Variants in SCMH1 observed in about 807,000 individuals in gnomAD.
The protein encoded by SCMH1 is Scm polycomb group protein homolog 1.
Under a neutral mutation model 70.8 loss-of-function variants are expected in SCMH1, and 37 were observed. The ratio of observed to expected loss-of-function variants is 0.52; its 90% CI spans 0.40 to 0.69. The LOEUF is 0.69. Ranked by LOEUF, SCMH1 falls within the 30% of genes least tolerant of loss-of-function variation. The pLI, the probability that SCMH1 is intolerant of heterozygous loss-of-function variation, is 0.00. For synonymous variants in SCMH1, 292 were observed against 307.4 expected, an observed-to-expected ratio of 0.95 and a Z score of 0.52; for missense variants, 607 against 827.3, an observed-to-expected ratio of 0.73 and a Z score of 3.27.
At chr1:41,102,620 A>G (rs1438227871) in intron 8 of SCMH1, among the ~76,000 whole-genome samples, 1 of 152,170 alleles carries the variant, frequency 6.6e-6, no homozygotes, top group Non-Finnish European at 1.5e-5. Context: ...AGAGTGGGGG[A>G]AAACAGATAA....
Position 41,113,078 on chromosome 1 carries a change from G to A in SCMH1, c.745+205C>T, listed in dbSNP as rs1039567948. Among the ~76,000 whole-genome samples, 1 of 152,170 alleles carries A rather than the reference G, an allele frequency of 6.6e-6. No homozygotes were observed. The highest frequency in any genetic ancestry group is 1.5e-5 in the Non-Finnish European group (1 of 68,022). On this transcript the variant is annotated intron_variant, in intron 8 of 14. Coordinates refer to ENST00000337495, the Ensembl canonical transcript of SCMH1. The surrounding 1 kb of genome is among the most constrained non-coding windows in gnomAD (Gnocchi z 4.3). Reference sequence around the variant, plus strand: ...AAAGAATTATTACTTTATCCCAAATGCCATATGCGGTTTCATTTGACACTT... The same window carrying A: ...AAAGAATTATTACTTTATCCCAAATACCATATGCGGTTTCATTTGACACTT...
intron 2 of SCMH1, among the ~76,000 whole-genome samples, chr1:41,167,256 C>T (rs1646469595): frequency 1.3e-5 from 2 of 152,046 alleles, no homozygotes; most frequent in Admixed American, 1.3e-4. Flanking sequence ...TTTTTGCATC[C>T]ATGTTCATCA....
intron 10 of SCMH1, among the ~76,000 whole-genome samples, chr1:41,060,681 G>A (rs978455347): frequency 7.9e-5 from 12 of 152,040 alleles, no homozygotes; most frequent in African/African-American, 2.7e-4. Context: ...GTCTCACTCT[G>A]TCACCTAGGT....
chr1:41,199,843 C>T (rs959178284), intron 1 of SCMH1, among the ~76,000 whole-genome samples: 2 of 152,116 alleles, frequency 1.3e-5, no homozygotes, highest in African/African-American at 4.8e-5. Flanking sequence ...ACCCTTGTAA[C>T]AAACCTGCAC....
At chr1:41,119,508 T>C (rs867621205) in intron 6 of SCMH1, among the ~76,000 whole-genome samples, 2 of 151,914 alleles carry the variant, frequency 1.3e-5, no homozygotes, top group Middle Eastern at 3.4e-3. Flanking sequence ...CAACCACATA[T>C]GTGGTCCTTA....
intron 1 of SCMH1, among the ~76,000 whole-genome samples, chr1:41,202,800 C>T (rs1393067121): frequency 1.3e-5 from 2 of 152,084 alleles, no homozygotes; most frequent in Admixed American, 6.6e-5. Context: ...AAAAGCACCT[C>T]TCCTAGTCTA....
intron 1 of SCMH1, among the ~76,000 whole-genome samples, chr1:41,223,043 C>A (rs958090447): frequency 6.6e-6 from 1 of 152,086 alleles, no homozygotes; most frequent in Admixed American, 6.5e-5. Flanking sequence ...ATGTTTATTT[C>A]TTTATCCCCT....
At chr1:41,058,375 C>CTTTTTTTTTTTTTTT (rs1252087982) in intron 10 of SCMH1, among the ~76,000 whole-genome samples, 3 of 38,996 alleles carry the variant, frequency 7.7e-5, no homozygotes, top group Admixed American at 2.9e-4. Flanking sequence ...CATTTTCTTT[C>CTTTTTTTTTTTTTTT]TTGTTTTTTT....
At chr1:41,193,527 G>C (rs72665624) in intron 1 of SCMH1, among the ~76,000 whole-genome samples, 16,299 of 152,154 alleles carry the variant, frequency 0.11, 997 homozygotes, top group South Asian at 0.18. Flanking sequence ...CAGGGGTTGG[G>C]GGGGGGTTGA....
intron 8 of SCMH1, among the ~76,000 whole-genome samples, chr1:41,078,195 ATAAAG>A (rs1571866004): frequency 1.3e-5 from 2 of 152,198 alleles, no homozygotes; most frequent in Admixed American, 1.3e-4. Flanking sequence ...AACATCCAAA[ATAAAG>A]TACAGTGAGA....
intron 10 of SCMH1, among the ~76,000 whole-genome samples, chr1:41,062,873 C>T (rs1332520821): frequency 5.5e-5 from 8 of 146,064 alleles, no homozygotes; most frequent in South Asian, 2.2e-4. Context: ...GAGCTGAGAT[C>T]GCACCATTGC....
At chr1:41,167,282 A>C (rs906782664) in intron 2 of SCMH1, among the ~76,000 whole-genome samples, 4 of 152,126 alleles carry the variant, frequency 2.6e-5, no homozygotes, top group Non-Finnish European at 5.9e-5. Context: ...ATTGGTCTGC[A>C]GTCTTCTTTT....
intron 1 of SCMH1, among the ~76,000 whole-genome samples, chr1:41,205,108 G>T (rs1655203833): frequency 6.6e-6 from 1 of 152,198 alleles, no homozygotes; most frequent in African/African-American, 2.4e-5. Context: ...GCTCCAGTCT[G>T]CAGCTCCCAG....
intron 6 of SCMH1, among the ~76,000 whole-genome samples, chr1:41,119,201 T>G (rs1207198509): frequency 6.6e-6 from 1 of 152,106 alleles, no homozygotes; most frequent in Non-Finnish European, 1.5e-5. Flanking sequence ...AATTAACAAC[T>G]GTAATTAAAG....
intron 1 of SCMH1, among the ~76,000 whole-genome samples, chr1:41,227,739 T>C (rs1019101842): frequency 6.6e-6 from 1 of 152,132 alleles, no homozygotes; most frequent in Non-Finnish European, 1.5e-5. Flanking sequence ...CCTAGCACTT[T>C]GGGAAGCCGA....
In SCMH1 at chr1:41,113,530, G is replaced by A; in HGVS notation, c.502-4C>T. 6.2e-7 allele frequency: 1 copy of A among 1,611,176 alleles called. No individual in the cohort carries two copies. Among genetic ancestry groups the A allele is most frequent in the Non-Finnish European group, 8.5e-7 (1 of 1,178,770 alleles). On this transcript the variant is annotated splice_region_variant and splice_polypyrimidine_tract_variant and intron_variant, in intron 7 of 14. Transcript: ENST00000337495. The surrounding 1 kb of genome is among the most constrained non-coding windows in gnomAD (Gnocchi z 4.3). ...TGTGGGAAGGCGATGGTGGCTCCTA[G>A]ATGAGAAACAGAAACATACACACCT...
intron 10 of SCMH1, among the ~76,000 whole-genome samples, chr1:41,069,428 CA>C (rs1465774263): frequency 6.6e-6 from 1 of 152,128 alleles, no homozygotes; most frequent in Non-Finnish European, 1.5e-5. Context: ...TAGTAATTGA[CA>C]GGGGGATACG....
chr1:41,230,574 CCT>C (rs1315140926), intron 1 of SCMH1, among the ~76,000 whole-genome samples: 3 of 151,914 alleles, frequency 2.0e-5, no homozygotes, highest in East Asian at 3.9e-4. Flanking sequence ...AAGAGGATCC[CCT>C]GAGCCCAGGA....
At chr1:41,079,093 C>A (rs1303904840) in intron 8 of SCMH1, among the ~76,000 whole-genome samples, 3 of 151,342 alleles carry the variant, frequency 2.0e-5, no homozygotes, top group Non-Finnish European at 4.4e-5. Flanking sequence ...TTGCATACGG[C>A]AATTAATTAA....
Sources: allele counts gnomAD v4.1 joint callset (sites outside exome capture counted in the v4.1 genomes callset), GRCh38; gene constraint gnomAD v4.1.1; non-coding constraint Gnocchi (gnomAD v3.1); transcripts MANE v1.5; gene names NCBI Gene and HGNC (gene_info 2026-07-23, HGNC 2026-07-21).